Variants in HNF4G observed in about 807,000 individuals in gnomAD.
HNF4G encodes hepatocyte nuclear factor 4-gamma.
Under a neutral mutation model 50.9 loss-of-function variants are expected in HNF4G, and 21 were observed. That is an observed-to-expected ratio of 0.41 (90% CI 0.29 to 0.59). The LOEUF (loss-of-function observed/expected upper bound fraction) is 0.59. Ranked by LOEUF, HNF4G falls within the 20% of genes least tolerant of loss-of-function variation. The pLI, the probability that HNF4G is intolerant of heterozygous loss-of-function variation, is 0.26. For missense variants in HNF4G, 527 were observed against 559.4 expected, an observed-to-expected ratio of 0.94 and a Z score of 0.58; for synonymous variants, 198 against 185.6, an observed-to-expected ratio of 1.07 and a Z score of -0.54.
chr8:75,490,714 T>A (rs565655300), intron 2 of HNF4G, among the ~76,000 whole-genome samples: 88 of 152,344 alleles, frequency 5.8e-4, no homozygotes, highest in African/African-American at 1.7e-3. Flanking sequence ...ACTTAGGTTT[T>A]ATTTTGTGAT....
intron 2 of HNF4G, among the ~76,000 whole-genome samples, chr8:75,504,230 G>GACAC (rs201513424): frequency 0.17 from 18,373 of 107,994 alleles, 1,449 homozygotes; most frequent in Admixed American, 0.25. Context: ...AAAGCACACA[G>GACAC]ACACACACAC....
chr8:75,450,222 T>C (rs2130576516), intron 1 of HNF4G, among the ~76,000 whole-genome samples: 1 of 152,356 alleles, frequency 6.6e-6, no homozygotes, highest in East Asian at 1.9e-4. Flanking sequence ...CAATTGTGTA[T>C]GTATTCGACA....
At chr8:75,494,321 CA>C in intron 2 of HNF4G, among the ~76,000 whole-genome samples, 2 of 151,062 alleles carry the variant, frequency 1.3e-5, no homozygotes, top group South Asian at 4.2e-4. Context: ...CACACACACA[CA>C]CACACACACA....
intron 2 of HNF4G, among the ~76,000 whole-genome samples, chr8:75,518,170 G>C (rs1805943959): frequency 8.0e-6 from 1 of 125,022 alleles, no homozygotes; most frequent in Admixed American, 1.0e-4. Context: ...CCCGGTGTGT[G>C]ATGTTCCCCT....
At chr8:75,553,784 G>C (rs1807036760) in intron 5 of HNF4G, among the ~76,000 whole-genome samples, 1 of 152,042 alleles carries the variant, frequency 6.6e-6, no homozygotes, top group Non-Finnish European at 1.5e-5. Flanking sequence ...GAAATTTATA[G>C]AGAAATAAAA....
At chr8:75,425,864 G>A (rs1810880927) in intron 1 of HNF4G, among the ~76,000 whole-genome samples, 2 of 151,966 alleles carry the variant, frequency 1.3e-5, no homozygotes, top group African/African-American at 2.4e-5. Context: ...TAGTTTACAT[G>A]TCTTTTACTG....
intron 1 of HNF4G, among the ~76,000 whole-genome samples, chr8:75,447,683 T>G (rs1344900407): frequency 6.6e-6 from 1 of 151,794 alleles, no homozygotes; most frequent in Non-Finnish European, 1.5e-5. Context: ...CATGAAAAAA[T>G]GCTCATCATC....
chr8:75,488,256 G>A (rs1043463778), intron 1 of HNF4G, among the ~76,000 whole-genome samples: 1 of 152,010 alleles, frequency 6.6e-6, no homozygotes, highest in Non-Finnish European at 1.5e-5. Flanking sequence ...TTGGTCATTG[G>A]ACTTTTTTTG....
intron 1 of HNF4G, among the ~76,000 whole-genome samples, chr8:75,449,039 A>G (rs1811508089): frequency 6.6e-6 from 1 of 152,196 alleles, no homozygotes; most frequent in Non-Finnish European, 1.5e-5. Context: ...AATGAAGATC[A>G]TGTTGCTATA....
At chr8:75,553,285 A>G in intron 5 of HNF4G, 88 bp downstream of exon 5, 1 of 1,122,672 alleles carries the variant, frequency 8.9e-7, no homozygotes. Flanking sequence ...TGTAATGCAT[A>G]TTCTATATTA....
rs142470728 is a variant in HNF4G, at chr8:75,551,681, A to G, written c.489+187A>G. Among the ~76,000 whole-genome samples, 1,006 of 152,354 alleles carry G rather than the reference A, an allele frequency of 6.6e-3. 50 individuals carry two copies. The highest frequency in any genetic ancestry group is 0.061 in the Admixed American group (934 of 15,296). ...CTGACTTAATTTTGACTGTTCTTGA[A>G]CAAGACTAGTTTTAAATGGAAAAAT... On this transcript the variant is annotated intron_variant, in intron 4 of 9. Coordinates refer to ENST00000396423, the MANE Select transcript of HNF4G (RefSeq NM_004133.5).
chr8:75,533,528 C>A (rs1378071696), intron 2 of HNF4G, among the ~76,000 whole-genome samples: 9 of 151,842 alleles, frequency 5.9e-5, no homozygotes, highest in Non-Finnish European at 1.2e-4. Flanking sequence ...GTTACAAAAG[C>A]CACCACTTTA....
chr8:75,512,262 A>T (rs1226589495), intron 2 of HNF4G, among the ~76,000 whole-genome samples: 2 of 151,828 alleles, frequency 1.3e-5, no homozygotes, highest in Admixed American at 1.3e-4. Flanking sequence ...TATGTCTTTC[A>T]TGATACTAAA....
Position 75,566,481 on chromosome 8 carries a change from T to C in HNF4G, c.*2385T>C, listed in dbSNP as rs1807465372. The C allele has an allele frequency of 6.6e-6, 1 of 152,594 alleles. No homozygotes were observed. The highest frequency in any genetic ancestry group is 1.5e-5 in the Non-Finnish European group (1 of 68,022). 9.5% of individuals were successfully genotyped at this position (152,594 alleles called of 1,614,324 possible). On this transcript the variant is annotated 3_prime_UTR_variant, in exon 10 of 10. Coordinates refer to ENST00000396423, the MANE Select transcript of HNF4G (RefSeq NM_004133.5). ...GTATCTTTGAAATTGTTAGTAATGA[T>C]TCTGCTTCAATAACTATGGTCAGGG... is the stretch of plus-strand genomic sequence containing the variant.
intron 2 of HNF4G, among the ~76,000 whole-genome samples, chr8:75,525,768 C>G (rs797008615): frequency 9.2e-5 from 14 of 152,280 alleles, no homozygotes; most frequent in African/African-American, 3.4e-4. Context: ...GGAGCAGTCT[C>G]TGTAAGAAAA....
intron 1 of HNF4G, among the ~76,000 whole-genome samples, chr8:75,458,571 G>A (rs967318542): frequency 2.6e-5 from 4 of 151,930 alleles, no homozygotes; most frequent in Admixed American, 2.6e-4. Context: ...ATGAAAAAAC[G>A]TAAAAATGTT....
Position 75,512,103 on chromosome 8 carries a change from T to C in HNF4G, c.-24+21895T>C, listed in dbSNP as rs73690942. ...TATTATATTGTAAATTATTTTGAGT[T>C]TTCTATTTGGACAATTAAATTGATT... On this transcript the variant is annotated intron_variant, in intron 2 of 10. Coordinates refer to the HNF4G transcript ENST00000354370. Among the ~76,000 whole-genome samples the C allele has an allele frequency of 5.1e-3, 775 of 152,182 alleles. 13 individuals are homozygous for C. The highest frequency in any genetic ancestry group is 0.018 in the African/African-American group (748 of 41,570).
intron 1 of HNF4G, among the ~76,000 whole-genome samples, chr8:75,410,616 TAAC>T (rs1810477572): frequency 1.3e-5 from 2 of 152,306 alleles, no homozygotes; most frequent in East Asian, 3.9e-4. Flanking sequence ...ATGTTTGCAA[TAAC>T]AACATGTTGC....
Position 75,564,871 on chromosome 8 carries a change from A to G in HNF4G, c.*775A>G, listed in dbSNP as rs2130824939. ...GAAACAATTTAGAAAATAGTTATCC[A>G]TTGACTAGAAATTAGTACATGCCCA... is the stretch of plus-strand genomic sequence containing the variant. On this transcript the variant is annotated 3_prime_UTR_variant, in exon 10 of 10. Transcript: ENST00000396423. 1 of 152,290 alleles carries G rather than the reference A, an allele frequency of 6.6e-6. No individual in the cohort carries two copies. The highest frequency in any genetic ancestry group is 2.4e-5 in the African/African-American group (1 of 41,568). The allele number at this position is 152,290 out of a possible 1,614,324, so 9.4% of individuals were successfully genotyped here. A position where few individuals can be genotyped will look rare whatever the true frequency, so the allele number is the denominator to read the frequency against.
Sources: allele counts gnomAD v4.1 joint callset (sites outside exome capture counted in the v4.1 genomes callset), GRCh38; gene constraint gnomAD v4.1.1; transcripts MANE v1.5; gene names NCBI Gene and HGNC (gene_info 2026-07-23, HGNC 2026-07-21).